FSTL5: variants seen among roughly 807,000 people sequenced by gnomAD.
The protein encoded by FSTL5 is follistatin like 5.
A neutral mutation model predicts 89.1 loss-of-function variants in FSTL5; 62 were observed. The ratio of observed to expected loss-of-function variants is 0.70; its 90% CI spans 0.57 to 0.86. FSTL5 has a LOEUF of 0.86. FSTL5 is among the 40% of genes least tolerant of loss of function. The probability of loss-of-function intolerance (pLI) is 0.00; values close to 1 mark genes in which losing one functional copy is unlikely to be tolerated. For synonymous variants in FSTL5, 383 were observed against 346.2 expected (o/e 1.11, Z -1.18); for missense variants, 1,057 against 1,001.6 (o/e 1.06, Z -0.75).
At chr4:161,416,465 G>A (rs925700022) in intron 15 of FSTL5, among the ~76,000 whole-genome samples, 2 of 151,930 alleles carry the variant, frequency 1.3e-5, no homozygotes, top group African/African-American at 4.8e-5. Context: ...ATCATTACTT[G>A]CTCTGTCATC....
At chr4:161,390,689 T>C (rs933733786) in intron 15 of FSTL5, among the ~76,000 whole-genome samples, 1 of 152,096 alleles carries the variant, frequency 6.6e-6, no homozygotes, top group Non-Finnish European at 1.5e-5. Context: ...TGTCAACTTG[T>C]CATGGTCACC....
At chr4:161,583,071 G>A (rs542701608) in intron 8 of FSTL5, among the ~76,000 whole-genome samples, 82 of 152,016 alleles carry the variant, frequency 5.4e-4, no homozygotes, top group Admixed American at 2.0e-3. Flanking sequence ...GCGTGGTGGC[G>A]GGCACCTGTA....
intron 7 of FSTL5, among the ~76,000 whole-genome samples, chr4:161,641,438 T>C (rs1023039484): frequency 2.8e-5 from 3 of 107,934 alleles, no homozygotes; most frequent in Admixed American, 8.7e-5. Flanking sequence ...GTGGAGCTGT[T>C]AAAGAGCAGA....
chr4:161,399,514 C>A (rs1251941511), intron 15 of FSTL5, among the ~76,000 whole-genome samples: 3 of 152,052 alleles, frequency 2.0e-5, no homozygotes, highest in Non-Finnish European at 4.4e-5. Context: ...GGCAGGCAAC[C>A]ACATCTGTAG....
intron 7 of FSTL5, among the ~76,000 whole-genome samples, chr4:161,629,315 A>C (rs1281284981): frequency 6.6e-6 from 1 of 152,192 alleles, no homozygotes; most frequent in African/African-American, 2.4e-5. Context: ...AAGAGACAAA[A>C]TGAAAATCAA....
In FSTL5 at chr4:161,714,632, A is replaced by G. The variant is rs144208348; in HGVS notation, c.727+44779T>C. Among the ~76,000 whole-genome samples the G allele has an allele frequency of 2.0e-5, 3 of 152,262 alleles. No individual in the cohort carries two copies. The East Asian group carries it at 5.8e-4, about 29-fold the overall frequency. The stretch of plus-strand genomic sequence containing the variant: ...CTGACACTGTCATCTGCTTAGATTT[A>G]TGGTTATCCCAATGTCACCTTTACA... On this transcript the variant is annotated intron_variant, in intron 6 of 15. Transcript: ENST00000306100.
In FSTL5 at chr4:161,753,470, AT is replaced by A. The variant is rs1164923740; in HGVS notation, c.727+5940del. Among the ~76,000 whole-genome samples, 13 of 152,142 alleles carry A rather than the reference AT, an allele frequency of 8.5e-5. No individual in the cohort carries two copies. The East Asian group carries it at 2.1e-3, about 25-fold the overall frequency. Reference sequence around the variant, plus strand: ...TTCTCAGATATGGCCACATTCCTGCATTTTTACTGTTGCTTCTTTGGTTCTG... The same window carrying A: ...TTCTCAGATATGGCCACATTCCTGCATTTTACTGTTGCTTCTTTGGTTCTG... On this transcript the variant is annotated intron_variant, in intron 6 of 15. Transcript: ENST00000306100.
intron 6 of FSTL5, among the ~76,000 whole-genome samples, chr4:161,720,265 A>G (rs1270475805): frequency 6.6e-6 from 1 of 152,054 alleles, no homozygotes; most frequent in Non-Finnish European, 1.5e-5. Context: ...CATGAATAAA[A>G]TGCTGTGGTC....
chr4:162,037,336 C>CT (rs1231601509), intron 2 of FSTL5, among the ~76,000 whole-genome samples: 4 of 151,768 alleles, frequency 2.6e-5, no homozygotes, highest in Non-Finnish European at 5.9e-5. Flanking sequence ...GATTTATTTT[C>CT]TTTATGTAAT....
intron 4 of FSTL5, among the ~76,000 whole-genome samples, chr4:161,848,036 CAAAAAAAAAAAAAAAAA>C (rs139315536): frequency 0.01 from 484 of 48,230 alleles, 12 homozygotes; most frequent in African/African-American, 0.042. Context: ...GACTCCGTCT[CAAAAAAAAAAAAAAAAA>C]AAAAAAAAAC....
At chr4:161,899,782 A>G (rs1733291912) in intron 4 of FSTL5, among the ~76,000 whole-genome samples, 1 of 152,202 alleles carries the variant, frequency 6.6e-6, no homozygotes, top group Non-Finnish European at 1.5e-5. Flanking sequence ...GATATTTGTG[A>G]AGAAAACACC....
intron 10 of FSTL5, among the ~76,000 whole-genome samples, chr4:161,522,024 T>C (rs918650011): frequency 1.3e-5 from 2 of 152,040 alleles, no homozygotes; most frequent in Non-Finnish European, 2.9e-5. Context: ...ATGACAAATA[T>C]GCCTGTTCTC....
At chr4:161,783,733 TTTC>T (rs1741776958) in intron 4 of FSTL5, among the ~76,000 whole-genome samples, 1 of 3,712 alleles carries the variant, frequency 2.7e-4, no homozygotes, top group African/African-American at 5.8e-4. Context: ...CTTCTTTTCT[TTTC>T]TTTCTTTCTT....
chr4:161,510,957 A>T (rs1730632577), intron 10 of FSTL5, among the ~76,000 whole-genome samples: 1 of 152,106 alleles, frequency 6.6e-6, no homozygotes. Context: ...TAAAACAGAC[A>T]GAAAATAGAT....
At chr4:161,680,673 A>G (rs1341698618) in intron 6 of FSTL5, among the ~76,000 whole-genome samples, 5 of 151,686 alleles carry the variant, frequency 3.3e-5, no homozygotes, top group African/African-American at 1.2e-4. Flanking sequence ...TCTATTACAT[A>G]AGGAATAATT....
At chr4:161,620,695 A>C (rs1241858086) in intron 7 of FSTL5, among the ~76,000 whole-genome samples, 2 of 152,148 alleles carry the variant, frequency 1.3e-5, no homozygotes, top group Non-Finnish European at 1.5e-5. Flanking sequence ...AAGTGCTAAC[A>C]GAGTTCTTCA....
Position 162,111,385 on chromosome 4 carries a change from G to A in FSTL5, c.12C>T (p.Cys4=), listed in dbSNP as rs751509814. 2.5e-6 allele frequency: 4 copies of A among 1,610,656 alleles called. No homozygotes were observed. Among genetic ancestry groups the A allele is most frequent in the Non-Finnish European group, 3.4e-6 (4 of 1,177,888 alleles). The change falls in exon 2 of 16, where the codon TGC becomes TGT. Residue 4 remains cysteine (C), a synonymous_variant. Coordinates refer to ENST00000306100, the MANE Select transcript of FSTL5 (RefSeq NM_020116.5). ...ATCCGAGAACCAAGACAACTGACCA[G>A]CACTTAAACATCCTTATTGCTTTTC... The part of the protein sequence containing the change: MFK[C]WSVVLVLGFI...
intron 8 of FSTL5, chr4:161,552,413 T>G (rs987785947): frequency 2.0e-5 from 3 of 151,740 alleles, no homozygotes; most frequent in Non-Finnish European, 4.4e-5. Context: ...AGGAAGCACA[T>G]CAATCACCTC....
At chr4:161,887,908 G>A (rs957568327) in intron 4 of FSTL5, among the ~76,000 whole-genome samples, 4 of 152,092 alleles carry the variant, frequency 2.6e-5, no homozygotes, top group African/African-American at 4.8e-5. Context: ...GATTCATCTA[G>A]TCCCCATGTG....
Sources: gnomAD v4.1 joint callset for allele counts (sites outside exome capture counted in the v4.1 genomes callset) on GRCh38, gnomAD v4.1.1 for gene constraint, MANE v1.5 for transcripts, NCBI Gene and HGNC (gene_info 2026-07-23, HGNC 2026-07-21) for gene names.